Variants in ARHGEF3 observed in about 807,000 individuals in gnomAD.
The protein encoded by ARHGEF3 is 59.8 kDA protein.
Under a neutral mutation model 63.2 loss-of-function variants are expected in ARHGEF3, and 28 were observed. That is an observed-to-expected ratio of 0.44 (90% confidence interval 0.33 to 0.61). The LOEUF (loss-of-function observed/expected upper bound fraction) is 0.61. Ranked by LOEUF, ARHGEF3 falls within the 20% of genes least tolerant of loss-of-function variation. The pLI, the probability that ARHGEF3 is intolerant of heterozygous loss-of-function variation, is 0.03. For synonymous variants in ARHGEF3, 266 were observed against 254.2 expected, an observed-to-expected ratio of 1.05 and a Z score of -0.44; for missense variants, 533 against 659.3, an observed-to-expected ratio of 0.81 and a Z score of 2.10.
At chr3:57,065,187 G>GCTCACGC (rs1482783992) in intron 1 of ARHGEF3, among the ~76,000 whole-genome samples, 1 of 152,142 alleles carries the variant, frequency 6.6e-6, no homozygotes, top group Non-Finnish European at 1.5e-5. Context: ...GGGCGCAGTG[G>GCTCACGC]CTCACGCCTC....
At chr3:56,985,413 G>A (rs1324194856) in intron 2 of ARHGEF3, among the ~76,000 whole-genome samples, 1 of 152,208 alleles carries the variant, frequency 6.6e-6, no homozygotes, top group Non-Finnish European at 1.5e-5. Context: ...TTTTAAATTG[G>A]AATACACATT....
Position 57,071,721 on chromosome 3 carries a change from T to C in ARHGEF3, c.-28+7505A>G, listed in dbSNP as rs1705918043. Among the ~76,000 whole-genome samples the C allele has an allele frequency of 2.0e-5, 3 of 149,782 alleles. No homozygotes were observed. In the South Asian group the frequency reaches 6.3e-4, roughly 32 times the overall value. On this transcript the variant is annotated intron_variant, in intron 1 of 12. Transcript: ENST00000338458. The stretch of plus-strand genomic sequence containing the variant: ...TTCATGACCTTGCATCAGGCAAAGG[T>C]TTCTTACGTATGACACCAAAAGCAC...
At chr3:56,889,367 A>T (rs1356963651) in intron 3 of ARHGEF3, among the ~76,000 whole-genome samples, 3 of 152,118 alleles carry the variant, frequency 2.0e-5, no homozygotes, top group Non-Finnish European at 4.4e-5. Context: ...CTTAACTTCC[A>T]TCCTCTCCAG....
rs113663114 is a variant in ARHGEF3, at chr3:56,768,581, C to A, written c.204+5128G>T. Reference sequence around the variant, plus strand: ...GAATAACTGTGACATAATACTCCCCCCTAAGCTAGATAAAAACTCCTTGCC... The same window carrying A: ...GAATAACTGTGACATAATACTCCCCACTAAGCTAGATAAAAACTCCTTGCC... On this transcript the variant is annotated intron_variant, in intron 2 of 9. Coordinates refer to ENST00000296315, the MANE Select transcript of ARHGEF3 (RefSeq NM_019555.3). Among the ~76,000 whole-genome samples, 1,485 of 151,360 alleles carry A rather than the reference C, an allele frequency of 9.8e-3. 34 individuals are homozygous for A. The highest frequency in any genetic ancestry group is 0.034 in the African/African-American group (1,387 of 41,204).
intron 4 of ARHGEF3, chr3:56,882,274 A>C: frequency 6.5e-7 from 1 of 1,549,748 alleles, no homozygotes; most frequent in Non-Finnish European, 8.7e-7. Context: ...CAGTGGGGGA[A>C]GAAAGGACTA....
At chr3:56,989,074 A>C (rs568836776) in intron 2 of ARHGEF3, among the ~76,000 whole-genome samples, 1 of 152,314 alleles carries the variant, frequency 6.6e-6, no homozygotes, top group African/African-American at 2.4e-5. Context: ...GTGAGTGAAG[A>C]GTGCCCTCTG....
intron 4 of ARHGEF3, among the ~76,000 whole-genome samples, chr3:56,858,379 G>A (rs1013686960): frequency 6.6e-6 from 1 of 151,894 alleles, no homozygotes; most frequent in East Asian, 1.9e-4. Flanking sequence ...ATGGGTTTAA[G>A]CCTAGTAATT....
At chr3:56,980,095 G>A (rs1013850536) in intron 2 of ARHGEF3, among the ~76,000 whole-genome samples, 2 of 152,168 alleles carry the variant, frequency 1.3e-5, no homozygotes, top group East Asian at 1.9e-4. Flanking sequence ...AACTTACAAT[G>A]GTAAGTCGAA....
chr3:57,029,918 C>T (rs1420248164), intron 2 of ARHGEF3, among the ~76,000 whole-genome samples: 2 of 152,076 alleles, frequency 1.3e-5, no homozygotes, highest in Non-Finnish European at 2.9e-5. Flanking sequence ...CAGAGCAGGT[C>T]CCAAACAGCC....
chr3:57,048,278 G>A (rs1178771286), intron 1 of ARHGEF3, among the ~76,000 whole-genome samples: 1 of 152,170 alleles, frequency 6.6e-6, no homozygotes, highest in Non-Finnish European at 1.5e-5. Context: ...GAGCATTATG[G>A]AGCTCAGCCA....
At chr3:56,970,211 T>C (rs1700846988) in intron 2 of ARHGEF3, among the ~76,000 whole-genome samples, 1 of 152,222 alleles carries the variant, frequency 6.6e-6, no homozygotes, top group Non-Finnish European at 1.5e-5. Flanking sequence ...ATGGTTTAAA[T>C]GGTTGCAATG....
chr3:57,033,194 T>A (rs763489026), intron 2 of ARHGEF3, among the ~76,000 whole-genome samples: 3 of 152,152 alleles, frequency 2.0e-5, no homozygotes, highest in Non-Finnish European at 4.4e-5. Flanking sequence ...TGGTGATGTT[T>A]CAGACCTTAC....
intron 1 of ARHGEF3, among the ~76,000 whole-genome samples, chr3:57,040,556 T>C (rs575108913): frequency 4.9e-4 from 74 of 151,034 alleles, no homozygotes; most frequent in African/African-American, 1.8e-3. Context: ...ATAGCGGTTC[T>C]AGTGGGGGAG....
chr3:56,774,414 C>T lies in ARHGEF3; in HGVS notation c.97-598G>A, dbSNP rs147023012. Among the ~76,000 whole-genome samples the T allele has an allele frequency of 2.2e-3, 337 of 152,116 alleles. 1 individual carries two copies. Among genetic ancestry groups the T allele is most frequent in the African/African-American group, 7.6e-3 (317 of 41,486 alleles). The stretch of plus-strand genomic sequence containing the variant: ...TTAATATTTATAAATTATAACCAGA[C>T]GGCAAAAGAAAATGTATAGAGAAAA... On this transcript the variant is annotated intron_variant, in intron 1 of 9. Transcript: ENST00000296315.
intron 3 of ARHGEF3, chr3:56,941,145 C>CCACA (rs1699159654): frequency 6.5e-6 from 1 of 152,676 alleles, no homozygotes; most frequent in Non-Finnish European, 1.5e-5. Context: ...GCAGAGCACA[C>CCACA]CACAGCATGT....
chr3:56,733,054 C>T (rs946926042), intron 8 of ARHGEF3, among the ~76,000 whole-genome samples: 4 of 151,756 alleles, frequency 2.6e-5, no homozygotes, highest in Admixed American at 6.6e-5. Flanking sequence ...GAGGCTGAGG[C>T]GGGCGGATCA....
chr3:56,908,976 C>T (rs1347485562), intron 3 of ARHGEF3, among the ~76,000 whole-genome samples: 1 of 152,316 alleles, frequency 6.6e-6, no homozygotes, highest in South Asian at 2.1e-4. Context: ...GTATCATCAA[C>T]ACTATCATCT....
At position 56,732,323 on chromosome 3, in the gene ARHGEF3, C is replaced by T; in HGVS notation, c.1143G>A (p.Val381=). ...CYQLYRQPIP[V]KDLLLEDLQD... is the part of the protein sequence containing the mutation. The stretch of plus-strand genomic sequence containing the variant: ...GGAGGTCTTCCAGCAGGAGGTCTTT[C>T]ACGGGGATTGGCTGACGGTACAGCT... Residue 381 remains valine (V), a synonymous_variant, in exon 9 of 10, where the codon GTG becomes GTA. Transcript: ENST00000296315. 1 of 1,614,194 alleles carries T rather than the reference C, an allele frequency of 6.2e-7. No homozygotes were observed. The highest frequency in any genetic ancestry group is 8.5e-7 in the Non-Finnish European group (1 of 1,180,042).
intron 1 of ARHGEF3, among the ~76,000 whole-genome samples, chr3:57,061,585 C>G (rs773119601): frequency 2.0e-5 from 3 of 152,154 alleles, no homozygotes; most frequent in Admixed American, 6.5e-5. Context: ...TTGTGAATAA[C>G]GCTGCTGGGA....
Sources: gnomAD v4.1 joint callset for allele counts (sites outside exome capture counted in the v4.1 genomes callset) on GRCh38, gnomAD v4.1.1 for gene constraint, MANE v1.5 for transcripts, NCBI Gene and HGNC (gene_info 2026-07-23, HGNC 2026-07-21) for gene names.